Variants in LRP12 observed in about 807,000 individuals in gnomAD.
LRP12 encodes the protein low-density lipoprotein receptor-related protein 12.
In LRP12, 14 loss-of-function variants were observed where a neutral mutation model predicts 66.0. That is an observed-to-expected ratio of 0.21 (90% confidence interval 0.14 to 0.33). The LOEUF is 0.33. LRP12 is among the 10% of genes least tolerant of loss of function. The probability of loss-of-function intolerance (pLI) is 1.00; values close to 1 mark genes in which losing one functional copy is unlikely to be tolerated. For missense variants in LRP12, 889 were observed against 1,053.4 expected (o/e 0.84, Z 2.16); for synonymous variants, 357 against 359.1 (o/e 0.99, Z 0.07).
chr8:104,527,126 A>T (rs1179680271), intron 2 of LRP12, among the ~76,000 whole-genome samples: 2 of 151,212 alleles, frequency 1.3e-5, no homozygotes, highest in African/African-American at 4.9e-5. Context: ...TCAAAACCAC[A>T]ATGAGATACC....
Position 104,552,456 on chromosome 8 carries a change from G to A in LRP12, c.80-20493C>T, listed in dbSNP as rs940138679. Among the ~76,000 whole-genome samples, 3 of 151,448 alleles carry A rather than the reference G, an allele frequency of 2.0e-5. No homozygotes were observed. In the South Asian group the frequency reaches 6.2e-4, roughly 32 times the overall value. On this transcript the variant is annotated intron_variant, in intron 1 of 6. Transcript: ENST00000276654. ...AGGCCGAGGCGGGCAGATCATCTGA[G>A]GTTGGGAGTTCGAGACCAGCCTGAC...
chr8:104,586,089 A>T (rs1434004308), intron 1 of LRP12, among the ~76,000 whole-genome samples: 1 of 152,230 alleles, frequency 6.6e-6, no homozygotes. Flanking sequence ...CCTAACTCTT[A>T]GGCACATTGA....
In LRP12 at chr8:104,504,436, A is replaced by C. The variant is rs966089313; in HGVS notation, c.272+4503T>G. Reference sequence around the variant, plus strand: ...TATTTTCTAATTTTTAAATCAATGCATTAAAGTTGTAAACTTTTCTAAGTA... The same window carrying C: ...TATTTTCTAATTTTTAAATCAATGCCTTAAAGTTGTAAACTTTTCTAAGTA... On this transcript the variant is annotated intron_variant, in intron 3 of 6. Transcript: ENST00000276654. 3.9e-5 allele frequency: 6 copies of C among 152,266 alleles called. No homozygotes were observed. The East Asian group carries it at 1.2e-3, about 29-fold the overall frequency. 9.4% of individuals were successfully genotyped at this position (152,266 alleles called of 1,614,324 possible).
In LRP12 at chr8:104,497,442, T is replaced by A; in HGVS notation, c.1110A>T (p.Gln370His). ...CCCATGGCAAACAGAACCCATCTAC[T>A]TGGTAAGTAGCATTAAATCCCCTTG... ...NAARGFNATY[Q>H]VDGFCLPWEI... The change falls in exon 5 of 7, where the codon CAA becomes CAT. Residue 370 changes from glutamine (Q) to histidine (H), a missense_variant. Gln to His is a conservative substitution (Grantham distance 24). Around this residue, in one of 3 missense-constraint regions of LRP12, gnomAD observed 800 missense variants for 964.5 expected, o/e 0.83. Transcript: ENST00000276654. This position sits in a 1 kb window ranked among gnomAD's most constrained non-coding sequence, Gnocchi z 4.3. 3.7e-6 allele frequency: 6 copies of A among 1,614,144 alleles called. No homozygotes were observed. The highest frequency in any genetic ancestry group is 5.1e-6 in the Non-Finnish European group (6 of 1,180,014).
chr8:104,531,873 G>A, intron 2 of LRP12, 34 bp downstream of exon 2: 2 of 1,385,338 alleles, frequency 1.4e-6, no homozygotes, highest in South Asian at 1.3e-5. Context: ...TATAAGTCAT[G>A]CATGAAATTT....
At chr8:104,540,896 G>A (rs1811466327) in intron 1 of LRP12, among the ~76,000 whole-genome samples, 1 of 152,180 alleles carries the variant, frequency 6.6e-6, no homozygotes, top group Middle Eastern at 3.4e-3. Flanking sequence ...ATCACGCCCA[G>A]CTAATTTTTG....
At chr8:104,549,966 T>G (rs113447908) in intron 1 of LRP12, among the ~76,000 whole-genome samples, 2 of 152,296 alleles carry the variant, frequency 1.3e-5, no homozygotes, top group East Asian at 3.9e-4. Flanking sequence ...ATCCTTTCCC[T>G]TTCTAGAAAG....
chr8:104,548,503 TTCTA>T (rs1811668118), intron 1 of LRP12, among the ~76,000 whole-genome samples: 1 of 126,292 alleles, frequency 7.9e-6, no homozygotes, highest in Non-Finnish European at 1.6e-5. Flanking sequence ...TAATATATAA[TTCTA>T]TATTATATTT....
At chr8:104,499,719 GA>G (rs1204525476) in intron 3 of LRP12, among the ~76,000 whole-genome samples, 200 bp from the exon 4 acceptor site, 1 of 152,048 alleles carries the variant, frequency 6.6e-6, no homozygotes, top group Non-Finnish European at 1.5e-5. Context: ...CCAGATTGTA[GA>G]AAAATAATTC....
At chr8:104,511,123 A>C (rs1392097164) in intron 2 of LRP12, among the ~76,000 whole-genome samples, 1 of 143,272 alleles carries the variant, frequency 7.0e-6, no homozygotes, top group Non-Finnish European at 1.5e-5. Context: ...GGCTCACTAC[A>C]ACCTCTGCCT....
chr8:104,523,543 G>T (rs1375453645), intron 2 of LRP12, among the ~76,000 whole-genome samples: 1 of 152,028 alleles, frequency 6.6e-6, no homozygotes, highest in Non-Finnish European at 1.5e-5. Context: ...TGCTTAAATC[G>T]CTGTGTGATG....
At chr8:104,558,881 A>T (rs1488996048) in intron 1 of LRP12, among the ~76,000 whole-genome samples, 2 of 152,222 alleles carry the variant, frequency 1.3e-5, no homozygotes, top group Non-Finnish European at 2.9e-5. Context: ...ATGATCAGGG[A>T]AATGCAAATC....
chr8:104,495,291 A>G (rs1189516533), intron 5 of LRP12, 82 bp from the exon 6 acceptor site: 18 of 1,335,136 alleles, frequency 1.3e-5, no homozygotes, highest in Non-Finnish European at 1.8e-5. Context: ...TAATTAAAAC[A>G]ATCTGAGTCT....
chr8:104,576,213 G>A (rs1192880510), intron 1 of LRP12, among the ~76,000 whole-genome samples: 2 of 152,184 alleles, frequency 1.3e-5, no homozygotes, highest in African/African-American at 4.8e-5. Context: ...TATCATCCAT[G>A]AGAACTTCCC....
At chr8:104,518,705 T>C (rs977215086) in intron 2 of LRP12, among the ~76,000 whole-genome samples, 3 of 152,130 alleles carry the variant, frequency 2.0e-5, no homozygotes, top group African/African-American at 7.2e-5. Flanking sequence ...GACCAGCTTC[T>C]TAGTATCTTT....
chr8:104,506,155 AT>A (rs532738255), intron 3 of LRP12: 8 of 152,338 alleles, frequency 5.3e-5, no homozygotes, highest in Admixed American at 3.9e-4. Context: ...ATATTAAAAA[AT>A]ATCTGATAGC....
At chr8:104,499,856 C>G (rs1015712094) in intron 3 of LRP12, among the ~76,000 whole-genome samples, 3 of 152,126 alleles carry the variant, frequency 2.0e-5, no homozygotes, top group African/African-American at 2.4e-5. Context: ...CTAAACTGTT[C>G]TGTGTTCCAA....
At position 104,490,478 on chromosome 8, in the gene LRP12, T is replaced by C; in HGVS notation, c.*195A>G. The C allele has an allele frequency of 1.8e-6, 1 of 568,400 alleles. No individual in the cohort carries two copies. Among genetic ancestry groups the C allele is most frequent in the East Asian group, 3.0e-5 (1 of 32,956 alleles). 35.2% of individuals were successfully genotyped at this position (568,400 alleles called of 1,614,324 possible). A position where few individuals can be genotyped will look rare whatever the true frequency, so the allele number is the denominator to read the frequency against. ...ACAATATGAATATGTGATGCATTTTTAGCTGCTAAAATAGTAAACTCTAAG... is the reference window on the plus strand; with the variant it reads ...ACAATATGAATATGTGATGCATTTTCAGCTGCTAAAATAGTAAACTCTAAG... On this transcript the variant is annotated 3_prime_UTR_variant, in exon 7 of 7. Transcript: ENST00000276654.
chr8:104,547,799 T>C (rs1343920796), intron 1 of LRP12, among the ~76,000 whole-genome samples: 5 of 128,946 alleles, frequency 3.9e-5, no homozygotes, highest in Admixed American at 8.7e-5. Context: ...TATAATTATA[T>C]ATTATATATA....
Sources: gnomAD v4.1 joint callset for allele counts (sites outside exome capture counted in the v4.1 genomes callset) on GRCh38, gnomAD v4.1.1 for gene constraint, gnomAD v4.1.1 regional missense constraint, Gnocchi (gnomAD v3.1) non-coding constraint, MANE v1.5 for transcripts, NCBI Gene and HGNC (gene_info 2026-07-23, HGNC 2026-07-21) for gene names.